Variants in IFT80 observed in about 807,000 individuals in gnomAD.
IFT80 encodes the protein intraflagellar transport protein 80 homolog.
Under a neutral mutation model 107.9 loss-of-function variants are expected in IFT80, and 79 were observed. The ratio of observed to expected loss-of-function variants is 0.73; its 90% CI spans 0.61 to 0.88. The LOEUF is 0.88. Ranked by LOEUF, IFT80 falls within the 40% of genes least tolerant of loss-of-function variation. The pLI is 0.00. For synonymous variants in IFT80, 299 were observed against 300.9 expected (o/e 0.99, Z 0.07); for missense variants, 797 against 914.2 (o/e 0.87, Z 1.65).
At chr3:160,327,910 A>G (rs1256953090) in intron 8 of IFT80, among the ~76,000 whole-genome samples, 12 of 152,334 alleles carry the variant, frequency 7.9e-5, no homozygotes, top group Non-Finnish European at 1.5e-5. Flanking sequence ...CAACCTACAG[A>G]ATGGGAGAAA....
At chr3:160,318,566 G>C (rs1236795882) in intron 9 of IFT80, among the ~76,000 whole-genome samples, 1 of 151,986 alleles carries the variant, frequency 6.6e-6, no homozygotes. Flanking sequence ...GGCCCTGAAG[G>C]AGAGACAAAG....
In IFT80 at chr3:160,258,651, AAAAG is replaced by A. The variant is rs1200480379; in HGVS notation, c.2224-20_2224-17del. Reference sequence around the variant, plus strand: ...CTATTTGGAGCTGCAATAGAAAAAAAAAAGAAGAAATATGCTTAGATAGTGTAAG... The same window carrying A: ...CTATTTGGAGCTGCAATAGAAAAAAAAAGAAATATGCTTAGATAGTGTAAG... On this transcript the variant is annotated splice_polypyrimidine_tract_variant and intron_variant, in intron 19 of 19. Transcript: ENST00000326448. 2.5e-6 allele frequency: 4 copies of A among 1,609,416 alleles called. No individual in the cohort carries two copies. The highest frequency in any genetic ancestry group is 3.4e-6 in the Non-Finnish European group (4 of 1,179,758).
chr3:160,394,402 G>C (rs528945588), intron 1 of IFT80: 4 of 152,110 alleles, frequency 2.6e-5, no homozygotes, highest in South Asian at 2.1e-4. Flanking sequence ...GTCCTGGGCC[G>C]CATGTGGCCC....
intron 18 of IFT80, among the ~76,000 whole-genome samples, chr3:160,270,011 T>A (rs781440326): frequency 6.6e-6 from 1 of 150,788 alleles, no homozygotes; most frequent in East Asian, 1.9e-4. Flanking sequence ...GGCTTACTAT[T>A]TTTTTTTTAG....
chr3:160,269,064 G>T (rs1025951124), intron 18 of IFT80, among the ~76,000 whole-genome samples: 1 of 151,908 alleles, frequency 6.6e-6, no homozygotes, highest in Non-Finnish European at 1.5e-5. Flanking sequence ...CCCTGTCTCT[G>T]CTAAAGATAC....
chr3:160,260,559 T>C (rs187222520), intron 19 of IFT80, among the ~76,000 whole-genome samples: 1 of 152,220 alleles, frequency 6.6e-6, no homozygotes, highest in African/African-American at 2.4e-5. Flanking sequence ...TGTCAGTGGA[T>C]AGCTGTCCTA....
intron 18 of IFT80, among the ~76,000 whole-genome samples, chr3:160,269,406 C>G (rs948899816): frequency 6.6e-6 from 1 of 151,886 alleles, no homozygotes; most frequent in Non-Finnish European, 1.5e-5. Flanking sequence ...ATGAAAATAA[C>G]AAATTGAGGC....
chr3:160,372,856 T>C (rs2108389301), intron 5 of IFT80, among the ~76,000 whole-genome samples: 1 of 152,330 alleles, frequency 6.6e-6, no homozygotes, highest in African/African-American at 2.4e-5. Flanking sequence ...GTATAATCTG[T>C]ATTTTACCTT....
At chr3:160,354,920 T>C (rs1465010710) in intron 8 of IFT80, among the ~76,000 whole-genome samples, 1 of 152,168 alleles carries the variant, frequency 6.6e-6, no homozygotes, top group African/African-American at 2.4e-5. Flanking sequence ...AGAAAACAAG[T>C]AACCAGAAAT....
At chr3:160,293,437 T>C (rs1056013201) in intron 12 of IFT80, among the ~76,000 whole-genome samples, 7 of 152,204 alleles carry the variant, frequency 4.6e-5, no homozygotes, top group African/African-American at 1.4e-4. Context: ...CTGATAGTAC[T>C]GGGAATGGAA....
At chr3:160,261,557 C>T (rs374658363) in intron 19 of IFT80, among the ~76,000 whole-genome samples, 3 of 149,212 alleles carry the variant, frequency 2.0e-5, no homozygotes, top group East Asian at 2.0e-4. Flanking sequence ...GTTTACTTCA[C>T]GGGAGGCCAA....
rs1390500891 is a variant in IFT80 at position 160,366,093 on chromosome 3, C to T, written c.499G>A (p.Gly167Ser). ...AGAGGTTTAATGATTAGCTGCTTGC[C>T]TGCTGTATAAAGAACCTTTTCTGAA... is the stretch of plus-strand genomic sequence containing the variant. ...PDSEKVLYTA[G>S]KQLIIKPLQP... Residue 167 changes from glycine (G) to serine (S), a missense_variant, in exon 6 of 20, where the codon GGC becomes AGC. Gly to Ser is a moderately conservative substitution (Grantham distance 56). Coordinates refer to ENST00000326448, the MANE Select transcript of IFT80 (RefSeq NM_020800.3). 3 of 1,612,588 alleles carry T rather than the reference C, an allele frequency of 1.9e-6. No homozygotes were observed. In the African/African-American group the frequency reaches 4.0e-5, roughly 22 times the overall value.
chr3:160,341,522 A>G (rs1054567159), intron 8 of IFT80, among the ~76,000 whole-genome samples: 6 of 152,050 alleles, frequency 3.9e-5, no homozygotes, highest in African/African-American at 1.4e-4. Flanking sequence ...ACCTACCCCA[A>G]CCTGCCTAGA....
rs1438131675 is a variant in IFT80, at chr3:160,277,500, T to C, written c.1927-22A>G. ...CAATCTAAAAAAGAAAAGAAAAATA[T>C]TGAAGTAGATAGTAACAGAAATATA... On this transcript the variant is annotated intron_variant, in intron 17 of 19. Coordinates refer to ENST00000326448, the MANE Select transcript of IFT80 (RefSeq NM_020800.3). The C allele has an allele frequency of 7.0e-6, 11 of 1,579,928 alleles. No homozygotes were observed. In the Admixed American group the frequency reaches 1.8e-4, roughly 26 times the overall value.
intron 1 of IFT80, 56 bp from the exon 2 acceptor site, chr3:160,384,702 A>G (rs1220731518): frequency 7.4e-6 from 10 of 1,359,600 alleles, no homozygotes; most frequent in Non-Finnish European, 9.3e-6. Context: ...AAATGTACGT[A>G]TACAAACACA....
At chr3:160,392,410 A>G (rs1222255002) in intron 1 of IFT80, among the ~76,000 whole-genome samples, 1 of 152,166 alleles carries the variant, frequency 6.6e-6, no homozygotes, top group East Asian at 1.9e-4. Flanking sequence ...TCTATTTGAC[A>G]ACTCTATTTG....
chr3:160,296,390 C>A (rs923936340), intron 12 of IFT80, among the ~76,000 whole-genome samples: 1 of 152,064 alleles, frequency 6.6e-6, no homozygotes, highest in Non-Finnish European at 1.5e-5. Context: ...ATTCTAATTT[C>A]GCCAAAGGAG....
chr3:160,396,214 T>G (rs1713765788), intron 1 of IFT80, among the ~76,000 whole-genome samples: 1 of 152,150 alleles, frequency 6.6e-6, no homozygotes, highest in Admixed American at 6.6e-5. Flanking sequence ...TATGTGTGTT[T>G]CGGTAACATT....
At chr3:160,395,302 G>C (rs577603493) in intron 1 of IFT80, among the ~76,000 whole-genome samples, 2 of 152,268 alleles carry the variant, frequency 1.3e-5, no homozygotes, top group South Asian at 4.1e-4. Context: ...TGACAAATTA[G>C]TTATGATGAT....
Sources: gnomAD v4.1 joint callset for allele counts (sites outside exome capture counted in the v4.1 genomes callset) on GRCh38, gnomAD v4.1.1 for gene constraint, MANE v1.5 for transcripts, NCBI Gene and HGNC (gene_info 2026-07-23, HGNC 2026-07-21) for gene names.